ZNF280B: variants seen among roughly 807,000 people sequenced by gnomAD.
ZNF280B encodes the protein zinc finger protein 280B.
Under a neutral mutation model 38.0 loss-of-function variants are expected in ZNF280B, and 16 were observed. The observed-to-expected ratio is 0.42, with a 90% CI of 0.28 to 0.64. The LOEUF is 0.64. Among genes scored for constraint, ZNF280B ranks in the 30% least tolerant of loss-of-function variants. The pLI, the probability that ZNF280B is intolerant of heterozygous loss-of-function variation, is 0.21. For missense variants in ZNF280B, 581 were observed against 639.6 expected (o/e 0.91, Z 0.99); for synonymous variants, 253 against 230.6 (o/e 1.10, Z -0.88).
At chr22:22,492,069 A>G (rs1032991082) in intron 3 of ZNF280B, among the ~76,000 whole-genome samples, 1 of 151,978 alleles carries the variant, frequency 6.6e-6, no homozygotes, top group African/African-American at 2.4e-5. Flanking sequence ...TATAGACAAT[A>G]TTTATTCCTA....
At chr22:22,493,809 A>G (rs2061643872) in intron 3 of ZNF280B, among the ~76,000 whole-genome samples, 1 of 151,998 alleles carries the variant, frequency 6.6e-6, no homozygotes, top group Non-Finnish European at 1.5e-5. Context: ...AACTGTAATT[A>G]TATCACTCTT....
At position 22,486,358 on chromosome 22, in the gene ZNF280B, CA is replaced by C. The variant is rs1211996709; in HGVS notation, c.*1408del. 1 of 147,360 alleles carries C rather than the reference CA, an allele frequency of 6.8e-6. No individual in the cohort carries two copies. Among genetic ancestry groups the C allele is most frequent in the East Asian group, 2.0e-4 (1 of 5,080 alleles). 9.1% of individuals were successfully genotyped at this position (147,360 alleles called of 1,614,324 possible). ...TGGGACAGTCCTCATTCCAGCTTAA[CA>C]GTGGGAAAACTAAATTTAGCCCAGT... On this transcript the variant is annotated 3_prime_UTR_variant, in exon 4 of 4. Transcript: ENST00000626650.
chr22:22,489,125 C>T lies in ZNF280B; in HGVS notation c.274G>A (p.Glu92Lys). The T allele has an allele frequency of 1.2e-6, 2 of 1,613,858 alleles. No individual in the cohort carries two copies. Among genetic ancestry groups the T allele is most frequent in the Non-Finnish European group, 1.7e-6 (2 of 1,179,956 alleles). ...TARKLQPKSH[E>K]TVTSEAVTVL... Reference sequence around the variant, plus strand: ...GTCACTGCTTCTGATGTAACGGTCTCATGACTTTTAGGCTGCAATTTGCGA... The same window carrying T: ...GTCACTGCTTCTGATGTAACGGTCTTATGACTTTTAGGCTGCAATTTGCGA... The change falls in exon 4 of 4, where the codon GAG (glutamate) becomes AAG (lysine). Residue 92 changes from glutamate to lysine, a missense_variant. Glu to Lys is a moderately conservative substitution (Grantham distance 56). Transcript: ENST00000626650.
At position 22,487,217 on chromosome 22, in the gene ZNF280B, T is replaced by C. The variant is rs2061512925; in HGVS notation, c.*550A>G. 1 of 151,594 alleles carries C rather than the reference T, an allele frequency of 6.6e-6. No homozygotes were observed. Among genetic ancestry groups the C allele is most frequent in the Non-Finnish European group, 1.5e-5 (1 of 67,982 alleles). The allele number at this position is 151,594 out of a possible 1,614,324, so 9.4% of individuals were successfully genotyped here. On this transcript the variant is annotated 3_prime_UTR_variant, in exon 4 of 4. Coordinates refer to ENST00000626650, the MANE Select transcript of ZNF280B (RefSeq NM_080764.4). ...ACTTGGGGAGGCTGAGGCAGGAGGC[T>C]CCCCTAAGGTCAGGAGTTCGAGACC...
In ZNF280B at chr22:22,489,040, G is replaced by C. The variant is rs1375605128; in HGVS notation, c.359C>G (p.Pro120Arg). 6.2e-7 allele frequency: 1 copy of C among 1,613,866 alleles called. No homozygotes were observed. Among genetic ancestry groups the C allele is most frequent in the Admixed American group, 1.7e-5 (1 of 59,976 alleles). ...RSTDSPIIIE[P>R]LSKPDYRNSS... ...ATTTCTATAATCAGGTTTAGACAAA[G>C]GCTCAATAATAATAGGACTATCTGT... Residue 120 changes from proline (P) to arginine (R), a missense_variant, in exon 4 of 4, where the codon CCT becomes CGT. Physicochemically the swap from Pro to Arg is moderately radical, Grantham distance 103. Transcript: ENST00000626650.
At chr22:22,505,637 G>A (rs376770925) in intron 2 of ZNF280B, among the ~76,000 whole-genome samples, 1 of 151,542 alleles carries the variant, frequency 6.6e-6, no homozygotes, top group Non-Finnish European at 1.5e-5. Flanking sequence ...GCGGGCACCT[G>A]TAATCCCAGC....
intron 2 of ZNF280B, among the ~76,000 whole-genome samples, chr22:22,503,077 G>A (rs758335639): frequency 6.6e-6 from 1 of 152,002 alleles, no homozygotes; most frequent in East Asian, 2.0e-4. Context: ...TTCTCCGCTA[G>A]AGTTTCCCAG....
At chr22:22,502,373 A>G (rs2061843195) in intron 2 of ZNF280B, among the ~76,000 whole-genome samples, 1 of 151,950 alleles carries the variant, frequency 6.6e-6, no homozygotes, top group African/African-American at 2.4e-5. Context: ...GTACTTTGGA[A>G]AAGTTTGGCA....
Position 22,484,811 on chromosome 22 carries a change from A to G in ZNF280B, c.*2956T>C, listed in dbSNP as rs1472010792. 6.6e-6 allele frequency: 1 copy of G among 152,184 alleles called. No homozygotes were observed. The highest frequency in any genetic ancestry group is 2.0e-4 in the East Asian group (1 of 5,100). The allele number at this position is 152,184 out of a possible 1,614,324, so 9.4% of individuals were successfully genotyped here. Reference sequence around the variant, plus strand: ...AATTTAAATACTTTGAAGAGGAAGAAAAGAGTGGGGAGAGAGTAAAGTGCC... The same window carrying G: ...AATTTAAATACTTTGAAGAGGAAGAGAAGAGTGGGGAGAGAGTAAAGTGCC... On this transcript the variant is annotated 3_prime_UTR_variant, in exon 4 of 4. Coordinates refer to ENST00000626650, the MANE Select transcript of ZNF280B (RefSeq NM_080764.4).
At position 22,488,469 on chromosome 22, in the gene ZNF280B, G is replaced by A; in HGVS notation, c.930C>T (p.Leu310=). 6 of 1,613,866 alleles carry A rather than the reference G, an allele frequency of 3.7e-6. No homozygotes were observed. The highest frequency in any genetic ancestry group is 5.1e-6 in the Non-Finnish European group (6 of 1,179,972). ...CATTTTTTAGAACTTTCACGCAGCT[G>A]AGGCATTTAAAGGTGGTGTGAGTCT... ...EQKTHTTFKC[L]SCVKVLKNVK... is the part of the protein sequence containing the mutation. The change falls in exon 4 of 4, where the codon CTC becomes CTT. Residue 310 remains leucine (L), a synonymous_variant. Transcript: ENST00000626650.
In ZNF280B at chr22:22,508,683, G is replaced by T. The variant is rs376177730; in HGVS notation, c.-272C>A. On this transcript the variant is annotated 5_prime_UTR_variant, in exon 1 of 4. Coordinates refer to ENST00000626650, the MANE Select transcript of ZNF280B (RefSeq NM_080764.4). ...CCAGTCCGGATCAGCTGCTGTTCGC[G>T]AGCTGCCGGCCACGCACCAGCCCCG... The T allele has an allele frequency of 7.4e-3, 1,128 of 151,968 alleles. 7 individuals carry two copies. Among genetic ancestry groups the T allele is most frequent in the South Asian group, 0.026 (126 of 4,812 alleles). 9.4% of individuals were successfully genotyped at this position (151,968 alleles called of 1,614,324 possible).
At chr22:22,498,432 T>C (rs1421888962) in intron 2 of ZNF280B, among the ~76,000 whole-genome samples, 2 of 151,860 alleles carry the variant, frequency 1.3e-5, no homozygotes, top group Admixed American at 6.6e-5. Context: ...AAGAGAATTA[T>C]AAAGGAATAC....
intron 1 of ZNF280B, 149 bp downstream of exon 1, chr22:22,508,510 C>G (rs2061986848): frequency 6.6e-6 from 1 of 151,926 alleles, no homozygotes; most frequent in South Asian, 2.1e-4. Context: ...GCCCTGCACT[C>G]CCCCACAGAA....
chr22:22,500,255 A>G (rs1289044755), intron 2 of ZNF280B, among the ~76,000 whole-genome samples: 1 of 151,930 alleles, frequency 6.6e-6, no homozygotes, highest in Non-Finnish European at 1.5e-5. Flanking sequence ...AATAATTGAA[A>G]GCAGGGTCTC....
chr22:22,497,208 TAAAAAAAAAAAAAAAAAA>T (rs71199486), intron 2 of ZNF280B, among the ~76,000 whole-genome samples: 2,229 of 33,568 alleles, frequency 0.066, 67 homozygotes, highest in African/African-American at 0.13. Context: ...TCTCCATCTT[TAAAAAAAAAAAAAAAAAA>T]AAAAAAAAAA....
At position 22,485,100 on chromosome 22, in the gene ZNF280B, A is replaced by C. The variant is rs2146739890; in HGVS notation, c.*2667T>G. On this transcript the variant is annotated 3_prime_UTR_variant, in exon 4 of 4. Coordinates refer to ENST00000626650, the MANE Select transcript of ZNF280B (RefSeq NM_080764.4). ...TGCATCATTGGGGAAAACAGTGGAGAAGCATGACAGAGAATGAAAAAGAGA... is the reference window on the plus strand; with the variant it reads ...TGCATCATTGGGGAAAACAGTGGAGCAGCATGACAGAGAATGAAAAAGAGA... 1 of 152,464 alleles carries C rather than the reference A, an allele frequency of 6.6e-6. No individual in the cohort carries two copies. The highest frequency in any genetic ancestry group is 1.5e-5 in the Non-Finnish European group (1 of 68,082). The allele number at this position is 152,464 out of a possible 1,614,324, so 9.4% of individuals were successfully genotyped here. A position where few individuals can be genotyped will look rare whatever the true frequency, so the allele number is the denominator to read the frequency against.
intron 2 of ZNF280B, among the ~76,000 whole-genome samples, chr22:22,500,368 T>C (rs1459054517): frequency 3.7e-5 from 4 of 109,442 alleles, no homozygotes; most frequent in Non-Finnish European, 5.5e-5. Flanking sequence ...CAAAATATTA[T>C]ATATATATAT....
intron 2 of ZNF280B, among the ~76,000 whole-genome samples, chr22:22,496,838 A>G (rs1256498367): frequency 1.2e-4 from 16 of 136,040 alleles, no homozygotes; most frequent in African/African-American, 4.5e-4. Flanking sequence ...TTTTTTTGAG[A>G]TGGGAGTCTC....
At chr22:22,501,429 T>G (rs1371696360) in intron 2 of ZNF280B, among the ~76,000 whole-genome samples, 1 of 151,604 alleles carries the variant, frequency 6.6e-6, no homozygotes, top group Non-Finnish European at 1.5e-5. Flanking sequence ...GCCGGCATGG[T>G]GGCACGCGCC....
Sources: allele counts gnomAD v4.1 joint callset (sites outside exome capture counted in the v4.1 genomes callset), GRCh38; gene constraint gnomAD v4.1.1; transcripts MANE v1.5; gene names NCBI Gene and HGNC (gene_info 2026-07-23, HGNC 2026-07-21).